The following NADK variants were observed in gnomAD, a reference collection of about 807,000 sequenced individuals.
NADK encodes the protein NAD kinase.
Under a neutral mutation model 49.8 loss-of-function variants are expected in NADK, and 22 were observed. The observed-to-expected ratio is 0.44, with a 90% CI of 0.32 to 0.63. The LOEUF is 0.63. NADK is among the 30% of genes least tolerant of loss of function. The pLI is 0.06. For missense variants in NADK, 438 were observed against 609.4 expected, an observed-to-expected ratio of 0.72 and a Z score of 2.96; for synonymous variants, 268 against 253.7, an observed-to-expected ratio of 1.06 and a Z score of -0.54.
At chr1:1,758,415 G>A in intron 3 of NADK, 1 of 1,611,964 alleles carries the variant, frequency 6.2e-7, no homozygotes, top group Non-Finnish European at 8.5e-7. Context: ...CATCCCCTAT[G>A]AGCTCAGCAC....
chr1:1,771,598 A>G (rs1646053502), intron 1 of NADK, among the ~76,000 whole-genome samples: 1 of 152,306 alleles, frequency 6.6e-6, no homozygotes, highest in East Asian at 1.9e-4. Flanking sequence ...CATGCAGTCC[A>G]TGAATTTTTG....
In NADK at chr1:1,756,596, C is replaced by T. The variant is rs1490265077; in HGVS notation, c.406G>A (p.Val136Met). ...TCTAGCACTTTCTTTTCCACATACA[C>T]GATCATGTTCTCCTGGAAGCAAAGT... ...CTHLMEENMI[V>M]YVEKKVLEDP... The change falls in exon 5 of 12, where the codon GTG becomes ATG. Residue 136 changes from valine to methionine, a missense_variant. Coordinates refer to ENST00000341426, the MANE Select transcript of NADK (RefSeq NM_023018.5). The T allele has an allele frequency of 7.4e-6, 12 of 1,613,986 alleles. No homozygotes were observed. The Admixed American group carries it at 1.2e-4, about 16-fold the overall frequency.
In NADK at chr1:1,754,616, A is replaced by G. The variant is rs770725625; in HGVS notation, c.771T>C (p.Asn257=). The G allele has an allele frequency of 1.2e-6, 2 of 1,613,594 alleles. No individual in the cohort carries two copies. Among genetic ancestry groups the G allele is most frequent in the South Asian group, 1.1e-5 (1 of 91,066 alleles). The change falls in exon 8 of 12, where the codon AAT becomes AAC. Residue 257 remains asparagine (N), a synonymous_variant. Coordinates refer to ENST00000341426, the MANE Select transcript of NADK (RefSeq NM_023018.5). This position sits in a 1 kb window ranked among gnomAD's most constrained non-coding sequence, Gnocchi z 4.3. ...ELRGKKTAVH[N]GLGENGSQAA... ...CCTGCGAGCCGTTCTCACCCAGCCCATTGTGCACGGCCGTCTTCTTCCCCC... is the reference window on the plus strand; with the variant it reads ...CCTGCGAGCCGTTCTCACCCAGCCCGTTGTGCACGGCCGTCTTCTTCCCCC...
chr1:1,774,188 C>CAT (rs918800545), intron 1 of NADK, among the ~76,000 whole-genome samples: 19 of 150,274 alleles, frequency 1.3e-4, no homozygotes, highest in East Asian at 5.8e-4. Context: ...CACACACACA[C>CAT]ATATATATAT....
In NADK at chr1:1,758,552, G is replaced by A. The variant is rs765740737; in HGVS notation, c.264-1242C>T. The A allele has an allele frequency of 1.5e-5, 23 of 1,573,926 alleles. No homozygotes were observed. In the Admixed American group the frequency reaches 2.9e-4, roughly 20 times the overall value. On this transcript the variant is annotated intron_variant, in intron 3 of 11. Coordinates refer to ENST00000341426, the MANE Select transcript of NADK (RefSeq NM_023018.5). ...CCCATCGGTATGGTCCTGACTGTGC[G>A]CCCACACTAGAAGCCTAAGCTCTTC...
intron 3 of NADK, among the ~76,000 whole-genome samples, chr1:1,759,463 G>A (rs1286990063): frequency 1.3e-5 from 2 of 152,172 alleles, no homozygotes; most frequent in South Asian, 2.1e-4. Context: ...TGTGACACAC[G>A]GGCACTCACG....
intron 5 of NADK, 30 bp from the exon 6 acceptor site, chr1:1,756,373 G>A (rs748377366): frequency 6.2e-7 from 1 of 1,610,490 alleles, no homozygotes. Context: ...ACCAAGAAGA[G>A]GCTGTCACAC....
intron 3 of NADK, chr1:1,759,169 G>A (rs527839189): frequency 2.0e-5 from 31 of 1,564,970 alleles, no homozygotes; most frequent in South Asian, 1.5e-4. Flanking sequence ...CACCAGCAGC[G>A]GCGTCGTACA....
chr1:1,773,356 TC>T (rs202197598), intron 1 of NADK, among the ~76,000 whole-genome samples: 97,149 of 150,572 alleles, frequency 0.65, 33,640 homozygotes, highest in Non-Finnish European at 0.77. Context: ...ACCAGGTTGG[TC>T]CTCAAACTCC....
chr1:1,755,066 G>A (rs1645469897), intron 7 of NADK, among the ~76,000 whole-genome samples: 2 of 152,126 alleles, frequency 1.3e-5, no homozygotes, highest in Admixed American at 6.5e-5. Context: ...TGATCCGCCC[G>A]CCTCGACCTC....
chr1:1,773,719 TG>T, intron 1 of NADK, among the ~76,000 whole-genome samples: 1 of 137,256 alleles, frequency 7.3e-6, no homozygotes, highest in South Asian at 2.3e-4. Flanking sequence ...TGTGTGTGTG[TG>T]TGTGTGTGTG....
chr1:1,773,705 T>C (rs1274222817), intron 1 of NADK, among the ~76,000 whole-genome samples: 32 of 106,370 alleles, frequency 3.0e-4, no homozygotes, highest in Non-Finnish European at 5.9e-4. Context: ...TGTGTGTGTG[T>C]GTGTGTGTGT....
intron 3 of NADK, chr1:1,758,395 T>C (rs1255828521): frequency 1.2e-6 from 2 of 1,611,042 alleles, no homozygotes; most frequent in African/African-American, 1.3e-5. Flanking sequence ...AGGCGTGGGG[T>C]CACTCATGCC....
intron 1 of NADK, among the ~76,000 whole-genome samples, chr1:1,769,422 GCGC>G (rs1047602160): frequency 1.3e-5 from 2 of 152,096 alleles, no homozygotes; most frequent in African/African-American, 4.8e-5. Context: ...GTGGTGGTGG[GCGC>G]CTACACTCCC....
chr1:1,771,051 A>ATATAT (rs1329076477), intron 1 of NADK, among the ~76,000 whole-genome samples: 2 of 145,180 alleles, frequency 1.4e-5, no homozygotes. Flanking sequence ...ATAAAAAAAA[A>ATATAT]AAAAATATAT....
At chr1:1,763,708 A>G (rs1283534256) in intron 2 of NADK, among the ~76,000 whole-genome samples, 1 of 152,038 alleles carries the variant, frequency 6.6e-6, no homozygotes, top group Non-Finnish European at 1.5e-5. Context: ...GCGGAAAACA[A>G]TGTTTCTCGA....
At chr1:1,777,048 C>A (rs560371492) in intron 1 of NADK, among the ~76,000 whole-genome samples, 1 of 152,266 alleles carries the variant, frequency 6.6e-6, no homozygotes, top group African/African-American at 2.4e-5. Context: ...ACCATAAACA[C>A]GCCTGGAGGA....
At chr1:1,756,107 G>A (rs535054369) in intron 6 of NADK, 151 bp downstream of exon 6, 18 of 731,778 alleles carry the variant, frequency 2.5e-5, no homozygotes, top group African/African-American at 1.4e-4. Context: ...GCACCCCACC[G>A]GGCTGCCACC....
At chr1:1,756,207 G>A (rs574284787) in intron 6 of NADK, 51 bp downstream of exon 6, 21 of 1,507,338 alleles carry the variant, frequency 1.4e-5, no homozygotes, top group East Asian at 9.0e-5. Context: ...CCCTCGTTAC[G>A]CAGCACCTAG....
Sources: gnomAD v4.1 joint callset for allele counts (sites outside exome capture counted in the v4.1 genomes callset) on GRCh38, gnomAD v4.1.1 for gene constraint, Gnocchi (gnomAD v3.1) non-coding constraint, MANE v1.5 for transcripts, NCBI Gene and HGNC (gene_info 2026-07-23, HGNC 2026-07-21) for gene names.